The following IGSF10 variants were observed in gnomAD, a reference collection of about 807,000 sequenced individuals.
The protein encoded by IGSF10 is calvaria mechanical force protein 608.
In IGSF10, 126 loss-of-function variants were observed where a neutral mutation model predicts 128.2. The ratio of observed to expected loss-of-function variants is 0.98; its 90% confidence interval spans 0.85 to 1.14. The LOEUF (loss-of-function observed/expected upper bound fraction) is 1.14. IGSF10 is among the 50% of genes most tolerant of loss of function. The probability of loss-of-function intolerance (pLI) is 0.00; values close to 1 mark genes in which losing one functional copy is unlikely to be tolerated. For missense variants in IGSF10, 3,295 were observed against 3,149.8 expected (o/e 1.05, Z -1.10); for synonymous variants, 1,185 against 1,146.2 (o/e 1.03, Z -0.68).
the IGSF10 span, among the ~76,000 whole-genome samples, chr3:151,577,496 T>C: frequency 6.6e-6 from 1 of 152,216 alleles, no homozygotes; most frequent in Non-Finnish European, 1.5e-5. Context: ...ATACTTCCCA[T>C]GGTATACCTA....
At chr3:151,580,873 T>G in the IGSF10 span, among the ~76,000 whole-genome samples, 2 of 152,198 alleles carry the variant, frequency 1.3e-5, no homozygotes, top group Non-Finnish European at 2.9e-5. Flanking sequence ...TTTTTTCAAG[T>G]GCCCTTAAAT....
At chr3:151,453,821 C>T in intron 4 of IGSF10, 47 bp from the exon 5 acceptor site, 1 of 1,214,396 alleles carries the variant, frequency 8.2e-7, no homozygotes, top group Non-Finnish European at 1.2e-6. Flanking sequence ...AAGGAATTTT[C>T]ACAAGAGGGA....
At chr3:151,459,351 T>C (rs969364805) in intron 2 of IGSF10, among the ~76,000 whole-genome samples, 2 of 152,250 alleles carry the variant, frequency 1.3e-5, no homozygotes, top group African/African-American at 4.8e-5. Flanking sequence ...TTTCATTTTA[T>C]TAAACCTTCT....
chr3:151,435,062 C>CTTTT (rs66791814), downstream of IGSF10: 1,247 of 118,282 alleles, frequency 0.011, no homozygotes, highest in Non-Finnish European at 0.013. Context: ...TGAGAGGTTT[C>CTTTT]TTTTTTTTTT....
In IGSF10 at chr3:151,446,075, TATA is replaced by T; in HGVS notation, c.3903_3905del (p.Ile1302del). ...TGCTTTTTGTACTTGAGTCTTTGCT[TATA>T]ATACTAGGAAGCATAGGGTTAAGGG... On this transcript the variant is annotated inframe_deletion, in exon 6 of 8. Transcript: ENST00000282466. 2 of 1,614,160 alleles carry T rather than the reference TATA, an allele frequency of 1.2e-6. No individual in the cohort carries two copies. Among genetic ancestry groups the T allele is most frequent in the Non-Finnish European group, 1.7e-6 (2 of 1,180,016 alleles).
At chr3:151,603,612 C>G in the IGSF10 span, among the ~76,000 whole-genome samples, 1 of 152,132 alleles carries the variant, frequency 6.6e-6, no homozygotes, top group African/African-American at 2.4e-5. Context: ...ATAAACAGAT[C>G]TATTATAAGA....
the IGSF10 span, among the ~76,000 whole-genome samples, chr3:151,534,000 A>G: frequency 2.0e-5 from 3 of 152,252 alleles, no homozygotes; most frequent in Admixed American, 2.0e-4. Context: ...AGTAAATAAT[A>G]TGAACAGACA....
chr3:151,513,001 C>A, the IGSF10 span, among the ~76,000 whole-genome samples: 1 of 152,094 alleles, frequency 6.6e-6, no homozygotes, highest in Admixed American at 6.5e-5. Context: ...AAGTCCAGGA[C>A]CAGATGGATT....
At position 151,450,789 on chromosome 3, in the gene IGSF10, G is replaced by A. The variant is rs571559681; in HGVS notation, c.716-1524C>T. ...CACATGTCTATAATCCCAGCTGCTC[G>A]GGAGGCTGAGGTAGGAGAATCACTT... On this transcript the variant is annotated intron_variant, in intron 5 of 7. Coordinates refer to ENST00000282466, the MANE Select transcript of IGSF10 (RefSeq NM_178822.5). Among the ~76,000 whole-genome samples, 3 of 151,496 alleles carry A rather than the reference G, an allele frequency of 2.0e-5. No homozygotes were observed. The East Asian group carries it at 5.9e-4, about 30-fold the overall frequency.
At chr3:151,434,412 A>C (rs1187442112), downstream of IGSF10, 1 of 152,166 alleles carries the variant, frequency 6.6e-6, no homozygotes, top group African/African-American at 2.4e-5. Context: ...CACTGTGAAA[A>C]TATTTCACTC....
the IGSF10 span, among the ~76,000 whole-genome samples, chr3:151,488,873 A>T: frequency 6.6e-6 from 1 of 152,226 alleles, no homozygotes; most frequent in South Asian, 2.1e-4. Context: ...TAAAATCCCT[A>T]GAAGAAAACC....
chr3:151,555,372 A>G, the IGSF10 span, among the ~76,000 whole-genome samples: 3 of 152,016 alleles, frequency 2.0e-5, no homozygotes, highest in Non-Finnish European at 4.4e-5. Flanking sequence ...ATAGAGAGGA[A>G]CTAGGACTTA....
the IGSF10 span, among the ~76,000 whole-genome samples, chr3:151,466,242 G>C: frequency 6.6e-6 from 1 of 152,032 alleles, no homozygotes; most frequent in African/African-American, 2.4e-5. Flanking sequence ...CAGGTGACCA[G>C]GCGAGGTACC....
rs1433192944 is a variant in IGSF10, at chr3:151,445,046, A to T, written c.4935T>A (p.Phe1645Leu). The T allele has an allele frequency of 6.2e-7, 1 of 1,614,212 alleles. No homozygotes were observed. The highest frequency in any genetic ancestry group is 1.7e-5 in the Admixed American group (1 of 60,018). The change falls in exon 6 of 8, where the codon TTT (phenylalanine) becomes TTA (leucine). Residue 1645 changes from phenylalanine (F) to leucine (L), a missense_variant. Coordinates refer to ENST00000282466, the MANE Select transcript of IGSF10 (RefSeq NM_178822.5). The stretch of plus-strand genomic sequence containing the variant: ...TTCCTCCAACTATCCTGGGCTTTTC[A>T]AATATATACCTAGACAAAGAGTCAA... The part of the protein sequence containing the change: ...LPFDSLSRYI[F>L]EKPRIVGGKA...
chr3:151,508,978 T>C, the IGSF10 span, among the ~76,000 whole-genome samples: 1 of 152,220 alleles, frequency 6.6e-6, no homozygotes, highest in East Asian at 1.9e-4. Context: ...CAACTGTGTC[T>C]TTACTAAAGT....
rs1225641475 is a variant in IGSF10, at chr3:151,445,638, T to C, written c.4343A>G (p.Gln1448Arg). Residue 1448 changes from glutamine to arginine, a missense_variant, in exon 6 of 8, where the codon CAG becomes CGG. Physicochemically the swap from Gln to Arg is conservative, Grantham distance 43. Coordinates refer to ENST00000282466, the MANE Select transcript of IGSF10 (RefSeq NM_178822.5). ...SETTLSSKSH[Q>R]STTTRKAIIR... ...GATTGCTTTCCTAGTTGTGGTACTC[T>C]GGTGTGATTTGCTGGACAAAGTTGT... is the stretch of plus-strand genomic sequence containing the variant. The C allele has an allele frequency of 5.0e-6, 8 of 1,614,248 alleles. No homozygotes were observed. Among genetic ancestry groups the C allele is most frequent in the Non-Finnish European group, 6.8e-6 (8 of 1,180,044 alleles).
At chr3:151,484,391 T>C in the IGSF10 span, among the ~76,000 whole-genome samples, 2 of 152,182 alleles carry the variant, frequency 1.3e-5, no homozygotes, top group Non-Finnish European at 2.9e-5. Flanking sequence ...CAGATTTAAA[T>C]GTCCCTGACT....
chr3:151,445,311 G>T lies in IGSF10; in HGVS notation c.4670C>A (p.Thr1557Lys). ...TAATTTAGAATTCTGTGATTTAACT[G>T]TTGTTAGTGCTGGCATGGGAGTAGA... ...LHSTPMPALT[T>K]VKSQNSKLTP... is the part of the protein sequence containing the mutation. Residue 1557 changes from threonine to lysine, a missense_variant, in exon 6 of 8, where the codon ACA becomes AAA. By Grantham distance (78) the Thr-to-Lys change is moderately conservative. Coordinates refer to ENST00000282466, the MANE Select transcript of IGSF10 (RefSeq NM_178822.5). 6.2e-7 allele frequency: 1 copy of T among 1,614,204 alleles called. No individual in the cohort carries two copies. Among genetic ancestry groups the T allele is most frequent in the Non-Finnish European group, 8.5e-7 (1 of 1,180,018 alleles).
the IGSF10 span, among the ~76,000 whole-genome samples, chr3:151,569,353 T>G: frequency 6.6e-6 from 1 of 152,220 alleles, no homozygotes; most frequent in African/African-American, 2.4e-5. Context: ...ATTACAGGCA[T>G]GAGCCACTGT....
Sources: gnomAD v4.1 joint callset for allele counts (sites outside exome capture counted in the v4.1 genomes callset) on GRCh38, gnomAD v4.1.1 for gene constraint, MANE v1.5 for transcripts, NCBI Gene and HGNC (gene_info 2026-07-23, HGNC 2026-07-21) for gene names.